Variants in SGMS1 observed in about 807,000 individuals in gnomAD.
SGMS1 encodes sphingomyelin synthase 1.
In SGMS1, 13 loss-of-function variants were observed where a neutral mutation model predicts 46.2. The observed-to-expected ratio is 0.28, with a 90% CI of 0.18 to 0.45. The LOEUF is 0.45. Among genes scored for constraint, SGMS1 ranks in the 20% least tolerant of loss-of-function variants. The pLI is 1.00. For missense variants in SGMS1, 324 were observed against 519.9 expected (o/e 0.62, Z 3.66); for synonymous variants, 203 against 187.8 (o/e 1.08, Z -0.66).
intron 1 of SGMS1, among the ~76,000 whole-genome samples, chr10:50,614,222 A>T (rs1395058798): frequency 6.6e-6 from 1 of 151,836 alleles, no homozygotes; most frequent in Non-Finnish European, 1.5e-5. Flanking sequence ...ATGAGTGCTG[A>T]CTTATATTTC....
intron 5 of SGMS1, among the ~76,000 whole-genome samples, chr10:50,444,998 C>T (rs757782818): frequency 3.3e-5 from 5 of 152,058 alleles, no homozygotes; most frequent in Non-Finnish European, 7.4e-5. Flanking sequence ...TAAAGAACCA[C>T]CATAATTTAA....
chr10:50,372,246 A>G (rs1848447707), intron 6 of SGMS1, among the ~76,000 whole-genome samples: 1 of 152,264 alleles, frequency 6.6e-6, no homozygotes, highest in South Asian at 2.1e-4. Context: ...TGATCATAAC[A>G]TACTTATTAA....
chr10:50,601,351 T>C (rs575132305), intron 1 of SGMS1, among the ~76,000 whole-genome samples: 1 of 152,338 alleles, frequency 6.6e-6, no homozygotes, highest in Admixed American at 6.5e-5. Context: ...TATCACTTGG[T>C]AAATGACCTC....
chr10:50,438,846 T>G (rs1423224902), intron 5 of SGMS1, among the ~76,000 whole-genome samples: 1 of 152,216 alleles, frequency 6.6e-6, no homozygotes, highest in Admixed American at 6.5e-5. Context: ...CATCCTATTC[T>G]TGTCATTTGG....
intron 6 of SGMS1, among the ~76,000 whole-genome samples, chr10:50,420,207 G>GA (rs1171514663): frequency 5.9e-5 from 9 of 152,138 alleles, no homozygotes; most frequent in Non-Finnish European, 1.0e-4. Flanking sequence ...TCCTCATAAA[G>GA]GTAATGTTAC....
chr10:50,391,218 A>C (rs1433542736), intron 6 of SGMS1, among the ~76,000 whole-genome samples: 1 of 152,220 alleles, frequency 6.6e-6, no homozygotes, highest in Non-Finnish European at 1.5e-5. Context: ...CTAGTCTAGG[A>C]GACCACAGAC....
chr10:50,509,845 A>C (rs1837738735), intron 3 of SGMS1, among the ~76,000 whole-genome samples: 3 of 152,242 alleles, frequency 2.0e-5, no homozygotes, highest in Admixed American at 2.0e-4. Flanking sequence ...TATTTAAGCC[A>C]AAGTGCATCA....
rs71471395 is a variant in SGMS1, at chr10:50,502,306, GA to G, written c.-498+17524del. Among the ~76,000 whole-genome samples, 475 of 130,962 alleles carry G rather than the reference GA, an allele frequency of 3.6e-3. 2 individuals are homozygous for G. The highest frequency in any genetic ancestry group is 0.028 in the Middle Eastern group (7 of 252). 85.9% of individuals were successfully genotyped at this position (130,962 alleles called of 152,430 possible). On this transcript the variant is annotated intron_variant, in intron 3 of 10. Transcript: ENST00000361781. ...CAAAGATGATTTACAAATGAGGAAA[GA>G]AAAAAAAAAAAAAAAACCAGCACAG... is the stretch of plus-strand genomic sequence containing the variant.
chr10:50,624,847 C>T, upstream of SGMS1: 1 of 992,584 alleles, frequency 1.0e-6, no homozygotes, highest in Middle Eastern at 5.1e-4. Context: ...TACAGGCAGC[C>T]CGAGGCCGTG....
At chr10:50,599,566 C>T (rs375455477) in intron 1 of SGMS1, among the ~76,000 whole-genome samples, 2 of 151,996 alleles carry the variant, frequency 1.3e-5, no homozygotes, top group South Asian at 2.1e-4. Flanking sequence ...TGTATACTTA[C>T]GAAGTACTTA....
intron 7 of SGMS1, among the ~76,000 whole-genome samples, chr10:50,336,929 T>G (rs925584677): frequency 1.3e-5 from 2 of 152,214 alleles, no homozygotes; most frequent in African/African-American, 4.8e-5. Context: ...ATAATAATTT[T>G]TGACATGGAT....
chr10:50,454,657 C>T (rs541979020), intron 5 of SGMS1, among the ~76,000 whole-genome samples: 119 of 152,188 alleles, frequency 7.8e-4, no homozygotes, highest in Non-Finnish European at 1.6e-3. Context: ...ATGCTACAGT[C>T]CAGCAATTTA....
intron 2 of SGMS1, among the ~76,000 whole-genome samples, chr10:50,589,659 G>C (rs941497594): frequency 6.6e-6 from 1 of 151,028 alleles, no homozygotes; most frequent in Non-Finnish European, 1.5e-5. Flanking sequence ...TTTTTCTAGA[G>C]ATGGGTCTCA....
intron 7 of SGMS1, among the ~76,000 whole-genome samples, chr10:50,330,693 T>C (rs187365221): frequency 6.6e-6 from 1 of 152,292 alleles, no homozygotes; most frequent in Admixed American, 6.5e-5. Context: ...GACTTGACAA[T>C]GGTGCAGTGG....
intron 6 of SGMS1, among the ~76,000 whole-genome samples, chr10:50,429,746 C>T (rs1224964664): frequency 1.4e-5 from 2 of 142,052 alleles, no homozygotes; most frequent in Non-Finnish European, 3.1e-5. Flanking sequence ...CACACATACT[C>T]TTTTCTCATG....
chr10:50,397,759 G>C (rs979640370), intron 6 of SGMS1, among the ~76,000 whole-genome samples: 1 of 152,148 alleles, frequency 6.6e-6, no homozygotes, highest in Non-Finnish European at 1.5e-5. Context: ...CAACCATTTA[G>C]GTTTCAGAGG....
intron 5 of SGMS1, among the ~76,000 whole-genome samples, chr10:50,455,848 G>T (rs560217275): frequency 6.6e-6 from 1 of 152,266 alleles, no homozygotes; most frequent in South Asian, 2.1e-4. Flanking sequence ...CCTTTAACAG[G>T]TTATACCTTC....
intron 6 of SGMS1, among the ~76,000 whole-genome samples, chr10:50,433,233 T>C (rs1290395047): frequency 1.3e-5 from 2 of 152,236 alleles, no homozygotes; most frequent in Non-Finnish European, 2.9e-5. Context: ...CAAATACTTA[T>C]GCTCTGTCCA....
At chr10:50,591,207 T>C (rs1838537778) in intron 1 of SGMS1, among the ~76,000 whole-genome samples, 1 of 152,194 alleles carries the variant, frequency 6.6e-6, no homozygotes. Context: ...GGATCCCATT[T>C]TCCAGAGAAG....
Sources: gnomAD v4.1 joint callset for allele counts (sites outside exome capture counted in the v4.1 genomes callset) on GRCh38, gnomAD v4.1.1 for gene constraint, MANE v1.5 for transcripts, NCBI Gene and HGNC (gene_info 2026-07-23, HGNC 2026-07-21) for gene names.